MAPK8: variants seen among roughly 807,000 people sequenced by gnomAD.
MAPK8 encodes the protein JUN N-terminal kinase.
A neutral mutation model predicts 52.9 loss-of-function variants in MAPK8; 13 were observed. The observed-to-expected ratio is 0.25, with a 90% CI of 0.16 to 0.39. MAPK8 has a LOEUF of 0.39. Among genes scored for constraint, MAPK8 ranks in the 10% least tolerant of loss-of-function variants. The pLI is 1.00. For missense variants in MAPK8, 300 were observed against 519.2 expected (o/e 0.58, Z 4.10); for synonymous variants, 191 against 169.8 (o/e 1.12, Z -0.97).
At chr10:48,406,679 C>T (rs1018680180) in intron 3 of MAPK8, among the ~76,000 whole-genome samples, 3 of 152,156 alleles carry the variant, frequency 2.0e-5, no homozygotes, top group Non-Finnish European at 4.4e-5. Context: ...AGTGTTTTGC[C>T]TTTTAAACAA....
intron 1 of MAPK8, among the ~76,000 whole-genome samples, chr10:48,347,952 A>G (rs901414070): frequency 1.2e-4 from 18 of 152,224 alleles, no homozygotes; most frequent in African/African-American, 3.1e-4. Flanking sequence ...TTCTGGTTCT[A>G]CATCCTTGAG....
intron 10 of MAPK8, among the ~76,000 whole-genome samples, chr10:48,428,288 G>A (rs1036238517): frequency 1.3e-5 from 2 of 152,070 alleles, no homozygotes; most frequent in Non-Finnish European, 2.9e-5. Context: ...TTTAGGTCCC[G>A]TTTACTTCCA....
At chr10:48,311,345 A>G (rs969277138) in intron 1 of MAPK8, among the ~76,000 whole-genome samples, 2 of 152,208 alleles carry the variant, frequency 1.3e-5, no homozygotes, top group Non-Finnish European at 2.9e-5. Flanking sequence ...AAATTCGATC[A>G]TCTCATGTAA....
At chr10:48,332,807 T>C (rs111990392) in intron 1 of MAPK8, among the ~76,000 whole-genome samples, 1 of 152,210 alleles carries the variant, frequency 6.6e-6, no homozygotes, top group Non-Finnish European at 1.5e-5. Context: ...TAGGCCCCAC[T>C]CTGTCCAGAT....
At chr10:48,341,764 A>G (rs551657725) in intron 1 of MAPK8, among the ~76,000 whole-genome samples, 2 of 152,364 alleles carry the variant, frequency 1.3e-5, no homozygotes, top group South Asian at 2.1e-4. Context: ...TGGTGCCATG[A>G]AAGTATATAA....
At chr10:48,327,569 A>T (rs1038058809) in intron 1 of MAPK8, among the ~76,000 whole-genome samples, 1 of 152,058 alleles carries the variant, frequency 6.6e-6, no homozygotes, top group Admixed American at 6.5e-5. Context: ...TCTTTGTTTT[A>T]TTATTATTAG....
chr10:48,418,148 CT>C lies in MAPK8; in HGVS notation c.451-2005del, dbSNP rs771350074. Among the ~76,000 whole-genome samples the C allele has an allele frequency of 3.9e-5, 6 of 152,258 alleles. No individual in the cohort carries two copies. The South Asian group carries it at 1.2e-3, about 32-fold the overall frequency. On this transcript the variant is annotated intron_variant, in intron 5 of 11. Transcript: ENST00000374189. ...TAATTTGCCAGCCCCTGTGCTAGAGCTTCAGGTTCATTGTACAAGTGGCTGT... is the reference window on the plus strand; with the variant it reads ...TAATTTGCCAGCCCCTGTGCTAGAGCTCAGGTTCATTGTACAAGTGGCTGT...
chr10:48,415,942 T>A (rs2043042611), intron 5 of MAPK8, among the ~76,000 whole-genome samples: 2 of 152,178 alleles, frequency 1.3e-5, no homozygotes, highest in African/African-American at 4.8e-5. Flanking sequence ...GCTAATGAGA[T>A]CTACTGGGGT....
chr10:48,408,684 G>T (rs911726001), intron 3 of MAPK8, among the ~76,000 whole-genome samples: 1 of 152,162 alleles, frequency 6.6e-6, no homozygotes, highest in Non-Finnish European at 1.5e-5. Context: ...GTAAATGGTA[G>T]CTGGATTTGT....
intron 1 of MAPK8, among the ~76,000 whole-genome samples, chr10:48,376,686 A>G (rs879107082): frequency 1.3e-5 from 2 of 152,236 alleles, no homozygotes; most frequent in African/African-American, 2.4e-5. Context: ...ATGAGATACC[A>G]TCTCACTCCA....
chr10:48,383,994 T>A (rs1312545565), intron 1 of MAPK8, among the ~76,000 whole-genome samples: 1 of 152,100 alleles, frequency 6.6e-6, no homozygotes, highest in Non-Finnish European at 1.5e-5. Flanking sequence ...CCGTGGCTCA[T>A]GCCTGCAATC....
intron 1 of MAPK8, among the ~76,000 whole-genome samples, chr10:48,313,441 C>CA (rs1842178503): frequency 6.6e-6 from 1 of 151,696 alleles, no homozygotes; most frequent in Non-Finnish European, 1.5e-5. Flanking sequence ...TCTCAAAAAA[C>CA]AACAACAACA....
At chr10:48,356,607 C>T (rs772371137) in intron 1 of MAPK8, among the ~76,000 whole-genome samples, 28 of 151,910 alleles carry the variant, frequency 1.8e-4, no homozygotes, top group South Asian at 8.3e-4. Context: ...TTCAGGAGGC[C>T]GAGGCAGGTG....
At chr10:48,393,527 A>C (rs546923121) in intron 1 of MAPK8, among the ~76,000 whole-genome samples, 13 of 152,256 alleles carry the variant, frequency 8.5e-5, no homozygotes, top group African/African-American at 2.9e-4. Context: ...TATGGGATGT[A>C]ATACCACGGA....
chr10:48,354,819 C>G (rs1846702080), intron 1 of MAPK8, among the ~76,000 whole-genome samples: 2 of 151,990 alleles, frequency 1.3e-5, no homozygotes, highest in African/African-American at 4.8e-5. Flanking sequence ...AAAGAATTCC[C>G]TAAGATAATT....
chr10:48,343,685 T>C (rs898386943), intron 1 of MAPK8, among the ~76,000 whole-genome samples: 1 of 152,182 alleles, frequency 6.6e-6, no homozygotes, highest in African/African-American at 2.4e-5. Context: ...ATAAGGTGTT[T>C]TGTAGCTAGA....
At chr10:48,402,714 A>C (rs985772478) in intron 2 of MAPK8, among the ~76,000 whole-genome samples, 2 of 152,250 alleles carry the variant, frequency 1.3e-5, no homozygotes, top group African/African-American at 4.8e-5. Flanking sequence ...ACTGTTAAGT[A>C]TTTATAATCC....
intron 6 of MAPK8, among the ~76,000 whole-genome samples, chr10:48,421,083 G>C (rs920159347): frequency 6.6e-6 from 1 of 152,174 alleles, no homozygotes; most frequent in Non-Finnish European, 1.5e-5. Context: ...TTTAAAAAAT[G>C]TGGTGACTTC....
intron 1 of MAPK8, among the ~76,000 whole-genome samples, chr10:48,395,040 G>A (rs1352210948): frequency 6.6e-6 from 1 of 151,936 alleles, no homozygotes; most frequent in African/African-American, 2.4e-5. Flanking sequence ...CAAGTGTCAT[G>A]TCTGTGAATC....
Sources: gnomAD v4.1 joint callset for allele counts (sites outside exome capture counted in the v4.1 genomes callset) on GRCh38, gnomAD v4.1.1 for gene constraint, MANE v1.5 for transcripts, NCBI Gene and HGNC (gene_info 2026-07-23, HGNC 2026-07-21) for gene names.